PCSK5: variants seen among roughly 807,000 people sequenced by gnomAD.
PCSK5 encodes the protein prohormone convertase 5.
Under a neutral mutation model 233.2 loss-of-function variants are expected in PCSK5, and 129 were observed. The ratio of observed to expected loss-of-function variants is 0.55; its 90% confidence interval spans 0.48 to 0.64. The LOEUF (loss-of-function observed/expected upper bound fraction) is 0.64, where lower values mean the gene tolerates loss of function less well. Among genes scored for constraint, PCSK5 ranks in the 30% least tolerant of loss-of-function variants. PCSK5 has a pLI of 0.00. For synonymous variants in PCSK5, 825 were observed against 879.2 expected, an observed-to-expected ratio of 0.94 and a Z score of 1.09; for missense variants, 2,076 against 2,430.1, an observed-to-expected ratio of 0.85 and a Z score of 3.06.
chr9:76,018,055 A>T (rs1421669131), intron 3 of PCSK5, among the ~76,000 whole-genome samples: 1 of 151,114 alleles, frequency 6.6e-6, no homozygotes, highest in East Asian at 1.9e-4. Context: ...TGAAACTGCA[A>T]AGGGGAGAAC....
chr9:76,089,163 G>T (rs1350889089), intron 7 of PCSK5, among the ~76,000 whole-genome samples: 4 of 152,042 alleles, frequency 2.6e-5, no homozygotes, highest in Admixed American at 2.6e-4. Flanking sequence ...CTTTATCCAG[G>T]TAATATGGAG....
intron 2 of PCSK5, among the ~76,000 whole-genome samples, chr9:75,935,596 CT>C (rs1334727085): frequency 1.3e-5 from 2 of 152,114 alleles, no homozygotes; most frequent in African/African-American, 4.8e-5. Flanking sequence ...TTGATTGCCT[CT>C]TTTCAGGGCC....
chr9:76,238,725 C>T (rs997256983), intron 22 of PCSK5, among the ~76,000 whole-genome samples: 1 of 152,122 alleles, frequency 6.6e-6, no homozygotes, highest in African/African-American at 2.4e-5. Flanking sequence ...AGATAGTAGT[C>T]GCTGTTCACT....
At position 76,242,876 on chromosome 9, in the gene PCSK5, T is replaced by C. The variant is rs1383313841; in HGVS notation, c.3142+2192T>C. Among the ~76,000 whole-genome samples the C allele has an allele frequency of 1.3e-5, 2 of 152,180 alleles. 1 individual carries two copies. The highest frequency in any genetic ancestry group is 4.8e-5 in the African/African-American group (2 of 41,458). ...CTCAGTGATGAGAGTGGGGCAAGTC[T>C]ACCCAGCAAGATACACATAGAGAAA... On this transcript the variant is annotated intron_variant, in intron 24 of 37. Transcript: ENST00000674117.
At chr9:76,069,348 A>C (rs1048335582) in intron 6 of PCSK5, among the ~76,000 whole-genome samples, 2 of 152,024 alleles carry the variant, frequency 1.3e-5, no homozygotes, top group African/African-American at 4.8e-5. Flanking sequence ...CCAGGTTCTT[A>C]TCAATACTCT....
chr9:75,935,039 C>G (rs1346327279), intron 2 of PCSK5, among the ~76,000 whole-genome samples: 1 of 152,126 alleles, frequency 6.6e-6, no homozygotes, highest in Non-Finnish European at 1.5e-5. Context: ...ATCATTCTTT[C>G]TGTCTACACA....
rs779766659 is a variant in PCSK5, at chr9:76,175,270, T to TC, written c.1900+141_1900+142insC. On this transcript the variant is annotated intron_variant, in intron 14 of 37. Coordinates refer to ENST00000674117, the MANE Select transcript of PCSK5 (RefSeq NM_001372043.1). Reference sequence around the variant, plus strand: ...TGGAATGGAATGGAATGGAATGGAATGGAATCGAATCGAATCGAATCGAAT... The same window carrying TC: ...TGGAATGGAATGGAATGGAATGGAATCGGAATCGAATCGAATCGAATCGAAT... 864 of 674,918 alleles carry TC rather than the reference T, an allele frequency of 1.3e-3. 3 individuals carry two copies. Among genetic ancestry groups the TC allele is most frequent in the African/African-American group, 0.013 (657 of 51,702 alleles). The allele number at this position is 674,918 out of a possible 1,614,324, so 41.8% of individuals were successfully genotyped here.
intron 2 of PCSK5, among the ~76,000 whole-genome samples, chr9:75,969,587 T>G (rs1284550092): frequency 2.0e-5 from 3 of 152,192 alleles, no homozygotes; most frequent in African/African-American, 7.2e-5. Flanking sequence ...AGTATCATTC[T>G]CTGGTCAGTC....
At position 76,188,559 on chromosome 9, in the gene PCSK5, C is replaced by T. The variant is rs536904302; in HGVS notation, c.2283-19C>T. On this transcript the variant is annotated intron_variant, in intron 17 of 37. Coordinates refer to ENST00000674117, the MANE Select transcript of PCSK5 (RefSeq NM_001372043.1). ...TCATCACAACAGTCTGTTTGAAGCT[C>T]CCTTTATACTTCTTCCAGCCTGCAG... 1 of 1,558,168 alleles carries T rather than the reference C, an allele frequency of 6.4e-7. No individual in the cohort carries two copies. Among genetic ancestry groups the T allele is most frequent in the Non-Finnish European group, 8.9e-7 (1 of 1,128,922 alleles).
chr9:76,082,515 G>A (rs10435940), intron 7 of PCSK5, among the ~76,000 whole-genome samples: 26,833 of 152,040 alleles, frequency 0.18, 2,371 homozygotes, highest in East Asian at 0.24. Flanking sequence ...TTTCTAGATG[G>A]TGGGGAAAGA....
At chr9:76,104,062 G>C (rs1293636844) in intron 8 of PCSK5, among the ~76,000 whole-genome samples, 1 of 152,042 alleles carries the variant, frequency 6.6e-6, no homozygotes, top group African/African-American at 2.4e-5. Context: ...TGATTAATGG[G>C]GATATTCCAT....
intron 8 of PCSK5, among the ~76,000 whole-genome samples, chr9:76,100,159 G>A (rs1677428381): frequency 6.6e-6 from 1 of 152,134 alleles, no homozygotes; most frequent in African/African-American, 2.4e-5. Flanking sequence ...ATTTGGATCA[G>A]CAATGACCTT....
At chr9:76,159,217 C>T in intron 12 of PCSK5, 46 bp downstream of exon 12, 1 of 1,548,656 alleles carries the variant, frequency 6.5e-7, no homozygotes, top group Non-Finnish European at 8.9e-7. Context: ...CACAGCGACA[C>T]TCGGCTATTC....
chr9:76,022,024 C>A (rs1442700539), intron 3 of PCSK5, among the ~76,000 whole-genome samples: 1 of 152,180 alleles, frequency 6.6e-6, no homozygotes, highest in Non-Finnish European at 1.5e-5. Context: ...ACACTTGTCC[C>A]TAGGCTCTTG....
In PCSK5 at chr9:76,243,422, C is replaced by T. The variant is rs375902634; in HGVS notation, c.3142+2738C>T. Among the ~76,000 whole-genome samples the T allele has an allele frequency of 1.5e-4, 23 of 152,266 alleles. No individual in the cohort carries two copies. In the Middle Eastern group the frequency reaches 0.017, roughly 113 times the overall value. Reference sequence around the variant, plus strand: ...CAGGTATAAAGTGCAGTGACACCACCAGAAAGGGTGACAAGACCATTCTAA... The same window carrying T: ...CAGGTATAAAGTGCAGTGACACCACTAGAAAGGGTGACAAGACCATTCTAA... On this transcript the variant is annotated intron_variant, in intron 24 of 37. Transcript: ENST00000674117.
At chr9:76,123,817 A>G (rs1035909932) in intron 9 of PCSK5, among the ~76,000 whole-genome samples, 1 of 152,232 alleles carries the variant, frequency 6.6e-6, no homozygotes, top group African/African-American at 2.4e-5. Flanking sequence ...TCACTCATGA[A>G]GGACGACAAG....
intron 24 of PCSK5, among the ~76,000 whole-genome samples, chr9:76,275,800 T>G (rs1447781122): frequency 6.6e-6 from 1 of 152,212 alleles, no homozygotes; most frequent in Admixed American, 6.5e-5. Context: ...AAAAAATATT[T>G]CTGTGGTACA....
intron 19 of PCSK5, 54 bp downstream of exon 19, chr9:76,189,277 A>ACTAT (rs1395695698): frequency 1.5e-5 from 23 of 1,505,112 alleles, no homozygotes; most frequent in Admixed American, 3.8e-5. Flanking sequence ...TCTTTTGATG[A>ACTAT]CTATCTTCAT....
At chr9:76,350,774 A>G (rs963767406) in intron 35 of PCSK5, 54 bp from the exon 36 acceptor site, 3 of 1,047,810 alleles carry the variant, frequency 2.9e-6, no homozygotes, top group Non-Finnish European at 4.5e-6. Flanking sequence ...CGGAACAAAG[A>G]CAGAAGTTGA....
Sources: allele counts gnomAD v4.1 joint callset (sites outside exome capture counted in the v4.1 genomes callset), GRCh38; gene constraint gnomAD v4.1.1; transcripts MANE v1.5; gene names NCBI Gene and HGNC (gene_info 2026-07-23, HGNC 2026-07-21).